Variants in RASA2 observed in about 807,000 individuals in gnomAD.
RASA2 encodes the protein ras GTPase-activating protein 2.
RASA2 carries 155 observed loss-of-function variants against 118.2 expected under a neutral mutation model. The observed-to-expected ratio is 1.31, with a 90% CI of 1.15 to 1.50. The LOEUF is 1.50. Among genes scored for constraint, RASA2 ranks in the 40% most tolerant of loss-of-function variants. The probability of loss-of-function intolerance (pLI) is 0.00; values close to 1 mark genes in which losing one functional copy is unlikely to be tolerated. For synonymous variants in RASA2, 353 were observed against 349.1 expected, an observed-to-expected ratio of 1.01 and a Z score of -0.12; for missense variants, 1,016 against 1,009.6, an observed-to-expected ratio of 1.01 and a Z score of -0.09.
In RASA2 at chr3:141,598,842, T is replaced by C. The variant is rs143097121; in HGVS notation, c.1934-8836T>C. Among the ~76,000 whole-genome samples, 219 of 152,180 alleles carry C rather than the reference T, an allele frequency of 1.4e-3. 7 individuals are homozygous for C. The East Asian group carries it at 0.024, about 17-fold the overall frequency. On this transcript the variant is annotated intron_variant, in intron 19 of 23. Coordinates refer to ENST00000286364, the MANE Select transcript of RASA2 (RefSeq NM_006506.5). The stretch of plus-strand genomic sequence containing the variant: ...GTTCACGCCTATAATCCCAGCACTT[T>C]GGGAGGCCAAGGTGGGCAGATCACT...
intron 4 of RASA2, among the ~76,000 whole-genome samples, chr3:141,533,607 A>G (rs750631007): frequency 4.6e-4 from 70 of 152,310 alleles, no homozygotes; most frequent in Admixed American, 7.2e-4. Flanking sequence ...CTTACCTTGA[A>G]TTGTCTCCCA....
intron 17 of RASA2, among the ~76,000 whole-genome samples, chr3:141,584,330 C>G (rs1190366008): frequency 1.6e-5 from 1 of 60,666 alleles, no homozygotes; most frequent in South Asian, 7.3e-4. Context: ...AACTCCATCC[C>G]AAAAAAAAAA....
chr3:141,572,029 C>CATATATATATAT (rs10568210), intron 11 of RASA2, among the ~76,000 whole-genome samples: 58 of 121,444 alleles, frequency 4.8e-4, no homozygotes, highest in South Asian at 8.6e-4. Flanking sequence ...TTTAAAAAAA[C>CATATATATATAT]ATATATATAT....
intron 6 of RASA2, among the ~76,000 whole-genome samples, chr3:141,555,543 T>G (rs1163821752): frequency 6.6e-6 from 1 of 151,874 alleles, no homozygotes; most frequent in Non-Finnish European, 1.5e-5. Context: ...TTCTATTTAT[T>G]CTGAGTTGCT....
chr3:141,571,984 C>T (rs2082928097), intron 11 of RASA2, among the ~76,000 whole-genome samples: 1 of 148,162 alleles, frequency 6.7e-6, no homozygotes, highest in Non-Finnish European at 1.5e-5. Flanking sequence ...CATACATATA[C>T]TCCACATTTT....
At chr3:141,523,262 A>C (rs2082138045) in intron 3 of RASA2, among the ~76,000 whole-genome samples, 1 of 151,886 alleles carries the variant, frequency 6.6e-6, no homozygotes, top group Admixed American at 6.6e-5. Flanking sequence ...AGTAGCTGGG[A>C]TTACAAATAC....
At chr3:141,604,141 A>T (rs1362856201) in intron 19 of RASA2, among the ~76,000 whole-genome samples, 1 of 152,218 alleles carries the variant, frequency 6.6e-6, no homozygotes, top group African/African-American at 2.4e-5. Flanking sequence ...CTGTTTAATT[A>T]GGAGGTAATG....
intron 8 of RASA2, 137 bp from the exon 9 acceptor site, chr3:141,559,757 G>A (rs2082702791): frequency 4.6e-6 from 3 of 656,704 alleles, no homozygotes; most frequent in Admixed American, 2.6e-5. Context: ...AGTGAGGTAT[G>A]TATATGGTGT....
intron 1 of RASA2, among the ~76,000 whole-genome samples, chr3:141,498,369 T>G (rs2081732918): frequency 6.6e-6 from 1 of 150,708 alleles, no homozygotes; most frequent in South Asian, 2.1e-4. Flanking sequence ...ACATTTATGT[T>G]GTCAAGAAGT....
chr3:141,601,391 C>A (rs1180394620), intron 19 of RASA2, among the ~76,000 whole-genome samples: 2 of 151,748 alleles, frequency 1.3e-5, no homozygotes, highest in Non-Finnish European at 2.9e-5. Flanking sequence ...GCCGAGATGG[C>A]ATCACTGCGC....
At chr3:141,604,071 G>A (rs2083509089) in intron 19 of RASA2, among the ~76,000 whole-genome samples, 1 of 152,182 alleles carries the variant, frequency 6.6e-6, no homozygotes. Flanking sequence ...TTGTGTGGAT[G>A]TGTCTTCAGC....
chr3:141,580,085 A>AAAAAATATATATAT (rs1553797703), intron 15 of RASA2, among the ~76,000 whole-genome samples: 1 of 59,618 alleles, frequency 1.7e-5, no homozygotes, highest in African/African-American at 6.8e-5. Flanking sequence ...AAAAAAAAAA[A>AAAAAATATATATAT]ATATATATAT....
chr3:141,605,502 A>G (rs976173504), intron 19 of RASA2, among the ~76,000 whole-genome samples: 4 of 152,188 alleles, frequency 2.6e-5, no homozygotes, highest in Non-Finnish European at 5.9e-5. Context: ...ATGCTGTGTT[A>G]CAATTTGTCC....
intron 8 of RASA2, among the ~76,000 whole-genome samples, chr3:141,559,599 T>A (rs1418954170): frequency 6.6e-6 from 1 of 152,122 alleles, no homozygotes; most frequent in Non-Finnish European, 1.5e-5. Context: ...TTGTAGTTTC[T>A]TTCTGTAGTC....
intron 5 of RASA2, 45 bp from the exon 6 acceptor site, chr3:141,553,812 T>C: frequency 6.3e-7 from 1 of 1,579,730 alleles, no homozygotes; most frequent in Non-Finnish European, 8.6e-7. Flanking sequence ...TTTTATCTTG[T>C]TTAACTGGAA....
chr3:141,555,548 G>T (rs2082636298), intron 6 of RASA2, among the ~76,000 whole-genome samples: 1 of 151,202 alleles, frequency 6.6e-6, no homozygotes, highest in Non-Finnish European at 1.5e-5. Flanking sequence ...TTTATTCTGA[G>T]TTGCTTATAG....
intron 9 of RASA2, among the ~76,000 whole-genome samples, chr3:141,568,389 A>G (rs2082858738): frequency 6.6e-6 from 1 of 152,106 alleles, no homozygotes; most frequent in Non-Finnish European, 1.5e-5. Context: ...ATAAAATTAT[A>G]TAAGCATGAA....
At chr3:141,560,902 T>A (rs544915411) in intron 9 of RASA2, among the ~76,000 whole-genome samples, 1 of 152,306 alleles carries the variant, frequency 6.6e-6, no homozygotes, top group Admixed American at 6.5e-5. Context: ...CTCTTCTGAT[T>A]GGCCATCAGA....
rs1368345173 is a variant in RASA2 at position 141,613,189 on chromosome 3, CCCT to C, written c.*881_*883del. On this transcript the variant is annotated 3_prime_UTR_variant, in exon 24 of 24. Coordinates refer to ENST00000286364, the MANE Select transcript of RASA2 (RefSeq NM_006506.5). ...TGTAATAAGGGCCACCATAAGGATGCCCTCCTCATAGTGTTCGGTTCTGATCTT... is the reference window on the plus strand; with the variant it reads ...TGTAATAAGGGCCACCATAAGGATGCCCTCATAGTGTTCGGTTCTGATCTT... The C allele has an allele frequency of 6.6e-6, 1 of 152,166 alleles. No individual in the cohort carries two copies. Among genetic ancestry groups the C allele is most frequent in the Non-Finnish European group, 1.5e-5 (1 of 68,012 alleles). 9.4% of individuals were successfully genotyped at this position (152,166 alleles called of 1,614,324 possible).
Sources: allele counts gnomAD v4.1 joint callset (sites outside exome capture counted in the v4.1 genomes callset), GRCh38; gene constraint gnomAD v4.1.1; transcripts MANE v1.5; gene names NCBI Gene and HGNC (gene_info 2026-07-23, HGNC 2026-07-21).